FEZ1: variants seen among roughly 807,000 people sequenced by gnomAD.
The protein encoded by FEZ1 is fasciculation and elongation protein zeta-1.
Under a neutral mutation model 49.3 loss-of-function variants are expected in FEZ1, and 20 were observed. The observed-to-expected ratio is 0.41, with a 90% confidence interval of 0.29 to 0.59. FEZ1 has a LOEUF of 0.59. FEZ1 is among the 20% of genes least tolerant of loss of function. The probability of loss-of-function intolerance (pLI) is 0.36; values close to 1 mark genes in which losing one functional copy is unlikely to be tolerated. For missense variants in FEZ1, 413 were observed against 476.0 expected (o/e 0.87, Z 1.23); for synonymous variants, 170 against 180.9 (o/e 0.94, Z 0.48).
At chr11:125,487,488 A>T (rs1383320848) in intron 2 of FEZ1, among the ~76,000 whole-genome samples, 1 of 152,204 alleles carries the variant, frequency 6.6e-6, no homozygotes, top group Non-Finnish European at 1.5e-5. Context: ...AGAACGAAAA[A>T]ATATTCGGCA....
intron 2 of FEZ1, among the ~76,000 whole-genome samples, chr11:125,486,035 C>A (rs560044702): frequency 6.6e-6 from 1 of 152,332 alleles, no homozygotes; most frequent in South Asian, 2.1e-4. Context: ...AGAATCAATA[C>A]TATATCCGCT....
intron 3 of FEZ1, among the ~76,000 whole-genome samples, chr11:125,479,652 A>T (rs190807496): frequency 1.3e-5 from 2 of 152,184 alleles, no homozygotes; most frequent in Admixed American, 1.3e-4. Context: ...GCCCACAAGT[A>T]TCTTTCTAAA....
At chr11:125,457,218 A>G (rs1018627807) in intron 5 of FEZ1, among the ~76,000 whole-genome samples, 3 of 149,578 alleles carry the variant, frequency 2.0e-5, no homozygotes, top group African/African-American at 7.4e-5. Context: ...ATAAATAAAT[A>G]AAAACTTTAT....
chr11:125,493,856 G>A (rs1220872769), intron 1 of FEZ1, among the ~76,000 whole-genome samples: 7 of 152,182 alleles, frequency 4.6e-5, no homozygotes, highest in Non-Finnish European at 1.0e-4. Flanking sequence ...TTTCTGATTT[G>A]AAATGACACA....
chr11:125,454,074 G>A, intron 7 of FEZ1, 56 bp downstream of exon 7: 1 of 1,279,314 alleles, frequency 7.8e-7, no homozygotes, highest in Non-Finnish European at 1.1e-6. Flanking sequence ...CGTTGCTGGG[G>A]AGGCCAAGCT....
At chr11:125,485,478 T>C (rs1235862952) in intron 2 of FEZ1, among the ~76,000 whole-genome samples, 1 of 152,152 alleles carries the variant, frequency 6.6e-6, no homozygotes, top group African/African-American at 2.4e-5. Context: ...TTTCTGACAA[T>C]ATGGCAGGCA....
At position 125,469,557 on chromosome 11, in the gene FEZ1, A is replaced by AT. The variant is rs202193272; in HGVS notation, c.412-5988dup. ...TTACAGGCGTGAGCTATCACCAGCC[A>AT]TTTTTTTTAAAATTAATGTTTTTAG... On this transcript the variant is annotated intron_variant, in intron 3 of 9. Coordinates refer to ENST00000278919, the MANE Select transcript of FEZ1 (RefSeq NM_005103.5). 1.3e-4 allele frequency among the ~76,000 whole-genome samples: 20 copies of AT among 151,762 alleles called. No homozygotes were observed. The East Asian group carries it at 3.1e-3, about 24-fold the overall frequency.
intron 1 of FEZ1, among the ~76,000 whole-genome samples, chr11:125,492,095 T>A (rs1430680522): frequency 6.6e-6 from 1 of 152,226 alleles, no homozygotes; most frequent in African/African-American, 2.4e-5. Flanking sequence ...CAAAATGTAA[T>A]CCACAAAAAA....
chr11:125,456,206 CAG>C, intron 5 of FEZ1, 100 bp from the exon 6 acceptor site: 1 of 1,136,782 alleles, frequency 8.8e-7, no homozygotes, highest in Non-Finnish European at 1.2e-6. Context: ...GACTGCCCCT[CAG>C]AGGAGATCCC....
chr11:125,487,569 A>C (rs1226199004), intron 2 of FEZ1, among the ~76,000 whole-genome samples: 1 of 152,246 alleles, frequency 6.6e-6, no homozygotes, highest in Non-Finnish European at 1.5e-5. Context: ...GAATCTAAAA[A>C]GAATCTGTTT....
chr11:125,460,378 C>T (rs1317396205), intron 5 of FEZ1, 120 bp downstream of exon 5: 2 of 790,806 alleles, frequency 2.5e-6, no homozygotes, highest in Non-Finnish European at 3.9e-6. Flanking sequence ...CCACCTAGAT[C>T]TGCAAGGCTC....
At chr11:125,494,769 T>A (rs1342708902) in intron 1 of FEZ1, among the ~76,000 whole-genome samples, 4 of 152,166 alleles carry the variant, frequency 2.6e-5, no homozygotes, top group African/African-American at 9.7e-5. Context: ...TGCAGCACAA[T>A]GATGCACTCG....
At chr11:125,488,684 A>G in intron 2 of FEZ1, 2 of 982,594 alleles carry the variant, frequency 2.0e-6, no homozygotes, top group Non-Finnish European at 2.4e-6. Context: ...CATCTCAAAA[A>G]AAAACAAAAC....
chr11:125,444,806 A>G lies in FEZ1; in HGVS notation c.*1289T>C, dbSNP rs1271925903. The stretch of plus-strand genomic sequence containing the variant: ...CCAGCCTGACTCTACCACTTCCTAC[A>G]CAGCCTTGGGCGAGCTACTGAACAT... On this transcript the variant is annotated 3_prime_UTR_variant, in exon 10 of 10. Transcript: ENST00000278919. 6.6e-6 allele frequency among the ~76,000 whole-genome samples: 1 copy of G among 152,160 alleles called. No homozygotes were observed. Among genetic ancestry groups the G allele is most frequent in the Non-Finnish European group, 1.5e-5 (1 of 68,030 alleles).
intron 2 of FEZ1, among the ~76,000 whole-genome samples, chr11:125,484,450 T>C (rs533994836): frequency 6.6e-6 from 1 of 152,306 alleles, no homozygotes; most frequent in South Asian, 2.1e-4. Flanking sequence ...GGTATGGGCA[T>C]CAGAATAACA....
At position 125,488,757 on chromosome 11, in the gene FEZ1, G is replaced by A. The variant is rs929859549; in HGVS notation, c.311+710C>T. 6 of 985,080 alleles carry A rather than the reference G, an allele frequency of 6.1e-6. No homozygotes were observed. In the African/African-American group the frequency reaches 8.7e-5, roughly 14 times the overall value. The allele number at this position is 985,080 out of a possible 1,614,324, so 61.0% of individuals were successfully genotyped here. A position where few individuals can be genotyped will look rare whatever the true frequency, so the allele number is the denominator to read the frequency against. ...GGGAACCACTGAATTTTTACTAAAT[G>A]CCTAAGACATCCTTCTTTAATTTGT... is the stretch of plus-strand genomic sequence containing the variant. On this transcript the variant is annotated intron_variant, in intron 2 of 9. Transcript: ENST00000278919.
At chr11:125,447,821 CAAA>C (rs538049568) in intron 9 of FEZ1, among the ~76,000 whole-genome samples, 1 of 73,504 alleles carries the variant, frequency 1.4e-5, no homozygotes, top group Non-Finnish European at 2.8e-5. Flanking sequence ...GATTCCATCT[CAAA>C]AAAAAAAAAA....
rs1957455971 is a variant in FEZ1, at chr11:125,495,627, G to C, written c.-46+494C>G. 4.4e-6 allele frequency: 2 copies of C among 458,370 alleles called. No homozygotes were observed. Among genetic ancestry groups the C allele is most frequent in the South Asian group, 1.6e-5 (1 of 63,416 alleles). 28.4% of individuals were successfully genotyped at this position (458,370 alleles called of 1,614,324 possible). A position where few individuals can be genotyped will look rare whatever the true frequency, so the allele number is the denominator to read the frequency against. ...GAGCGGGGTCGGGGGTAAGTTTTTAGGGACAAAGATGATCTTGGGGCGTTT... is the reference window on the plus strand; with the variant it reads ...GAGCGGGGTCGGGGGTAAGTTTTTACGGACAAAGATGATCTTGGGGCGTTT... On this transcript the variant is annotated intron_variant, in intron 1 of 9. Transcript: ENST00000278919. This position sits in a 1 kb window ranked among gnomAD's most constrained non-coding sequence, Gnocchi z 4.2.
chr11:125,495,150 C>T lies in FEZ1; in HGVS notation c.-46+971G>A. The T allele has an allele frequency of 5.7e-6, 2 of 349,536 alleles. No individual in the cohort carries two copies. Among genetic ancestry groups the T allele is most frequent in the Non-Finnish European group, 1.2e-5 (2 of 168,752 alleles). The allele number at this position is 349,536 out of a possible 1,614,324, so 21.7% of individuals were successfully genotyped here. ...CTCCCCCTCCTCCCGCTGCTCCATT[C>T]ACCTCCATCTCAGATCCCCCTCCTC... On this transcript the variant is annotated intron_variant, in intron 1 of 9. Coordinates refer to ENST00000278919, the MANE Select transcript of FEZ1 (RefSeq NM_005103.5). This position sits in a 1 kb window ranked among gnomAD's most constrained non-coding sequence, Gnocchi z 4.2.
Sources: gnomAD v4.1 joint callset for allele counts (sites outside exome capture counted in the v4.1 genomes callset) on GRCh38, gnomAD v4.1.1 for gene constraint, Gnocchi (gnomAD v3.1) non-coding constraint, MANE v1.5 for transcripts, NCBI Gene and HGNC (gene_info 2026-07-23, HGNC 2026-07-21) for gene names.